The following FARP1 variants were observed in gnomAD, a reference collection of about 807,000 sequenced individuals.
FARP1 encodes FERM, ARHGEF and pleckstrin domain-containing protein 1.
Under a neutral mutation model 128.8 loss-of-function variants are expected in FARP1, and 52 were observed. The observed-to-expected ratio is 0.40, with a 90% CI of 0.32 to 0.51. FARP1 has a LOEUF of 0.51. FARP1 is among the 20% of genes least tolerant of loss of function. FARP1 has a pLI of 0.45. For synonymous variants in FARP1, 580 were observed against 551.8 expected, an observed-to-expected ratio of 1.05 and a Z score of -0.72; for missense variants, 1,333 against 1,367.9, an observed-to-expected ratio of 0.97 and a Z score of 0.40.
At chr13:98,442,455 C>T (rs1211129930) in intron 24 of FARP1, among the ~76,000 whole-genome samples, 2 of 152,346 alleles carry the variant, frequency 1.3e-5, no homozygotes, top group African/African-American at 4.8e-5. Flanking sequence ...ATCCGAGGTG[C>T]AGGCCCTGGC....
At chr13:98,184,592 A>G (rs185327541) in intron 1 of FARP1, among the ~76,000 whole-genome samples, 312 of 152,312 alleles carry the variant, frequency 2.0e-3, no homozygotes, top group African/African-American at 7.2e-3. Context: ...ACTCTACATT[A>G]AAAAATATTT....
chr13:98,448,537 G>C lies in FARP1; in HGVS notation c.*220G>C, dbSNP rs1594555772. 3.8e-5 allele frequency: 21 copies of C among 559,434 alleles called. No individual in the cohort carries two copies. In the South Asian group the frequency reaches 4.4e-4, roughly 12 times the overall value. The allele number at this position is 559,434 out of a possible 1,614,324, so 34.7% of individuals were successfully genotyped here. ...AGTCCTGGCATCCGCTGGGGGCGCTGTTCTTTAGCTAGTGCCAGTATTAAA... is the reference window on the plus strand; with the variant it reads ...AGTCCTGGCATCCGCTGGGGGCGCTCTTCTTTAGCTAGTGCCAGTATTAAA... On this transcript the variant is annotated 3_prime_UTR_variant, in exon 27 of 27. Transcript: ENST00000319562.
chr13:98,401,375 T>C (rs1221579021), intron 13 of FARP1: 2 of 70,622 alleles, frequency 2.8e-5, no homozygotes, highest in Non-Finnish European at 5.7e-5. Context: ...AGCGTGACAC[T>C]TAATATAACA....
chr13:98,228,193 T>C (rs1330698471), intron 2 of FARP1, among the ~76,000 whole-genome samples: 8 of 152,112 alleles, frequency 5.3e-5, no homozygotes, highest in Non-Finnish European at 1.2e-4. Flanking sequence ...ACCCTGTCTC[T>C]ACTAAAAATA....
chr13:98,437,028 C>T (rs1473635663), intron 19 of FARP1, among the ~76,000 whole-genome samples: 1 of 152,190 alleles, frequency 6.6e-6, no homozygotes, highest in African/African-American at 2.4e-5. Flanking sequence ...GGACCATGCA[C>T]ATGGAGACCA....
At chr13:98,268,613 GC>G (rs1210360206) in intron 2 of FARP1, among the ~76,000 whole-genome samples, 1 of 152,002 alleles carries the variant, frequency 6.6e-6, no homozygotes, top group Non-Finnish European at 1.5e-5. Context: ...GATTACAGGC[GC>G]CCACCAACAC....
At chr13:98,356,032 T>C (rs1888622467) in intron 3 of FARP1, among the ~76,000 whole-genome samples, 1 of 152,218 alleles carries the variant, frequency 6.6e-6, no homozygotes, top group Non-Finnish European at 1.5e-5. Flanking sequence ...ATATGTCTTA[T>C]GTTGGCAAGT....
chr13:98,255,593 T>G (rs1488579878), intron 2 of FARP1, among the ~76,000 whole-genome samples: 6 of 152,364 alleles, frequency 3.9e-5, no homozygotes, highest in African/African-American at 1.2e-4. Flanking sequence ...AATGCTCTTT[T>G]TAATTGTATT....
intron 2 of FARP1, among the ~76,000 whole-genome samples, chr13:98,274,625 C>T (rs1884548532): frequency 6.6e-6 from 1 of 152,136 alleles, no homozygotes; most frequent in Non-Finnish European, 1.5e-5. Context: ...GAAAAAACTG[C>T]AATTACTTTT....
chr13:98,412,744 C>T (rs1269640598), intron 16 of FARP1, among the ~76,000 whole-genome samples: 1 of 152,162 alleles, frequency 6.6e-6, no homozygotes, highest in Admixed American at 6.5e-5. Context: ...ATGCAGAATC[C>T]TCTACACCTT....
chr13:98,223,112 C>A (rs1358031274), intron 2 of FARP1, among the ~76,000 whole-genome samples: 1 of 152,170 alleles, frequency 6.6e-6, no homozygotes, highest in Non-Finnish European at 1.5e-5. Context: ...AGGACGTAGA[C>A]CTGACAGGGC....
chr13:98,428,727 G>C (rs891300823), intron 17 of FARP1, among the ~76,000 whole-genome samples: 2 of 152,150 alleles, frequency 1.3e-5, no homozygotes, highest in Non-Finnish European at 2.9e-5. Flanking sequence ...CCTCTGCCTT[G>C]GCCTGGGTGT....
Position 98,157,780 on chromosome 13 carries a change from C to A in FARP1, c.-24+14288C>A, listed in dbSNP as rs114938165. ...GAGCAACTTCTACTTAAGTATTTTA[C>A]ACATCTGCATTCCTAATGCCTGGCA... On this transcript the variant is annotated intron_variant, in intron 1 of 26. Coordinates refer to ENST00000319562, the MANE Select transcript of FARP1 (RefSeq NM_005766.4). Among the ~76,000 whole-genome samples, 186 of 152,346 alleles carry A rather than the reference C, an allele frequency of 1.2e-3. 1 individual carries two copies. Among genetic ancestry groups the A allele is most frequent in the African/African-American group, 4.3e-3 (178 of 41,580 alleles).
intron 2 of FARP1, among the ~76,000 whole-genome samples, chr13:98,304,413 T>G (rs1311507156): frequency 6.6e-6 from 1 of 152,216 alleles, no homozygotes; most frequent in East Asian, 1.9e-4. Context: ...GACTTGTGCT[T>G]CTGTTTCATT....
chr13:98,232,477 C>T (rs867896836), intron 2 of FARP1, among the ~76,000 whole-genome samples: 29 of 152,264 alleles, frequency 1.9e-4, no homozygotes, highest in Middle Eastern at 3.4e-3. Flanking sequence ...GCAGATATTG[C>T]GTTTTTTACA....
chr13:98,445,959 C>T (rs1384383191), intron 24 of FARP1, 139 bp from the exon 25 acceptor site: 6 of 604,492 alleles, frequency 9.9e-6, no homozygotes, highest in East Asian at 2.8e-5. Context: ...TCCCCACACA[C>T]GGGGGAGCGG....
chr13:98,217,998 C>T (rs956119180), intron 2 of FARP1, among the ~76,000 whole-genome samples: 8 of 152,088 alleles, frequency 5.3e-5, no homozygotes, highest in Non-Finnish European at 1.0e-4. Flanking sequence ...GATTGGAGTC[C>T]GGCCCGCCAG....
At position 98,449,763 on chromosome 13, in the gene FARP1, A is replaced by G. The variant is rs1303357868; in HGVS notation, c.*1446A>G. 6.6e-6 allele frequency: 1 copy of G among 151,990 alleles called. No individual in the cohort carries two copies. Among genetic ancestry groups the G allele is most frequent in the Non-Finnish European group, 1.5e-5 (1 of 67,866 alleles). 9.4% of individuals were successfully genotyped at this position (151,990 alleles called of 1,614,324 possible). The stretch of plus-strand genomic sequence containing the variant: ...ATCCAGCATATTGATGTTTTAAGGC[A>G]AAACAACCAACTTTGTCTGTAGTCT... On this transcript the variant is annotated 3_prime_UTR_variant, in exon 27 of 27. Coordinates refer to ENST00000319562, the MANE Select transcript of FARP1 (RefSeq NM_005766.4).
intron 3 of FARP1, among the ~76,000 whole-genome samples, chr13:98,356,300 A>G (rs1482975144): frequency 6.6e-6 from 1 of 152,212 alleles, no homozygotes; most frequent in Non-Finnish European, 1.5e-5. Flanking sequence ...GTACTTACAC[A>G]AACAGGTGGT....
Sources: gnomAD v4.1 joint callset for allele counts (sites outside exome capture counted in the v4.1 genomes callset) on GRCh38, gnomAD v4.1.1 for gene constraint, MANE v1.5 for transcripts, NCBI Gene and HGNC (gene_info 2026-07-23, HGNC 2026-07-21) for gene names.